The following MCM5 variants were observed in gnomAD, a reference collection of about 807,000 sequenced individuals.
MCM5 encodes the protein DNA replication licensing factor MCM5.
MCM5 carries 46 observed loss-of-function variants against 79.9 expected under a neutral mutation model. The observed-to-expected ratio is 0.58, with a 90% CI of 0.45 to 0.74. The LOEUF (loss-of-function observed/expected upper bound fraction) is 0.74. Ranked by LOEUF, MCM5 falls within the 30% of genes least tolerant of loss-of-function variation. MCM5 has a pLI of 0.00. For synonymous variants in MCM5, 404 were observed against 390.5 expected, an observed-to-expected ratio of 1.03 and a Z score of -0.41; for missense variants, 883 against 1,017.0, an observed-to-expected ratio of 0.87 and a Z score of 1.79.
chr22:35,418,935 C>T (rs932166077), intron 13 of MCM5, among the ~76,000 whole-genome samples: 4 of 152,184 alleles, frequency 2.6e-5, no homozygotes, highest in African/African-American at 4.8e-5. Context: ...TGCTTGCCTC[C>T]AGAGGCTGTG....
the MCM5 span, among the ~76,000 whole-genome samples, chr22:35,444,166 GGAGAGA>G: frequency 2.0e-5 from 3 of 147,908 alleles, no homozygotes; most frequent in Non-Finnish European, 3.0e-5. Flanking sequence ...CTGACAGGCA[GGAGAGA>G]GAGAGAGAGA....
intron 15 of MCM5, chr22:35,421,943 C>T: frequency 7.5e-6 from 2 of 265,062 alleles, no homozygotes; most frequent in Non-Finnish European, 1.5e-5. Context: ...AGTCTCCTGG[C>T]CCCTAGGCCA....
chr22:35,442,043 A>G, the MCM5 span, among the ~76,000 whole-genome samples: 1 of 151,668 alleles, frequency 6.6e-6, no homozygotes, highest in Non-Finnish European at 1.5e-5. Context: ...ATCTGGTCGA[A>G]TCTAAATCTG....
chr22:35,405,333 G>T (rs1932179837), intron 4 of MCM5, among the ~76,000 whole-genome samples: 1 of 151,310 alleles, frequency 6.6e-6, no homozygotes, highest in Non-Finnish European at 1.5e-5. Flanking sequence ...CATATAATTT[G>T]ATCTGGAACT....
At chr22:35,440,253 G>A in the MCM5 span, among the ~76,000 whole-genome samples, 1 of 152,252 alleles carries the variant, frequency 6.6e-6, no homozygotes, top group Non-Finnish European at 1.5e-5. Flanking sequence ...AGAGAAAGAA[G>A]CCTGCGTCAG....
At chr22:35,415,259 A>G (rs948124049) in intron 9 of MCM5, among the ~76,000 whole-genome samples, 5 of 152,234 alleles carry the variant, frequency 3.3e-5, no homozygotes, top group Non-Finnish European at 5.9e-5. Flanking sequence ...TTAACTCGCT[A>G]TATCTAAAAT....
At chr22:35,439,718 A>G in the MCM5 span, among the ~76,000 whole-genome samples, 1 of 152,214 alleles carries the variant, frequency 6.6e-6, no homozygotes, top group Non-Finnish European at 1.5e-5. Flanking sequence ...CTTATGTTCT[A>G]ATGCTTCCTC....
At chr22:35,412,308 C>T (rs1444666004) in intron 7 of MCM5, among the ~76,000 whole-genome samples, 1 of 152,238 alleles carries the variant, frequency 6.6e-6, no homozygotes, top group African/African-American at 2.4e-5. Flanking sequence ...TTCCCCTCAC[C>T]CTTTGGACCC....
chr22:35,403,131 C>A, intron 2 of MCM5, 76 bp from the exon 3 acceptor site: 1 of 1,564,748 alleles, frequency 6.4e-7, no homozygotes. Context: ...TTCAGGGGTG[C>A]AGGCACACCT....
the MCM5 span, among the ~76,000 whole-genome samples, chr22:35,436,894 G>GTCT: frequency 6.6e-6 from 1 of 151,958 alleles, no homozygotes. Flanking sequence ...TTGCCAGGGG[G>GTCT]AGAGTCAGTT....
intron 13 of MCM5, 45 bp downstream of exon 13, chr22:35,417,901 C>T (rs1378330906): frequency 1.4e-6 from 2 of 1,409,152 alleles, no homozygotes; most frequent in African/African-American, 1.4e-5. Context: ...TGCCCAGCTT[C>T]CCTGGGTGGG....
Position 35,416,410 on chromosome 22 carries a change from T to C in MCM5, c.1413+6T>C. 6.2e-7 allele frequency: 1 copy of C among 1,611,950 alleles called. No individual in the cohort carries two copies. The highest frequency in any genetic ancestry group is 2.2e-5 in the East Asian group (1 of 44,878). On this transcript the variant is annotated splice_donor_region_variant and intron_variant, in intron 11 of 16. Transcript: ENST00000216122. Reference sequence around the variant, plus strand: ...AGACCATCTCTATCGCCAAGGTGAGTGGCCCTCCATGGAGAGCCCAGCCTG... The same window carrying C: ...AGACCATCTCTATCGCCAAGGTGAGCGGCCCTCCATGGAGAGCCCAGCCTG...
Position 35,420,008 on chromosome 22 carries a change from G to A in MCM5, c.1828G>A (p.Val610Met), listed in dbSNP as rs757174741. The A allele has an allele frequency of 9.9e-5, 160 of 1,609,014 alleles. No individual in the cohort carries two copies. Among genetic ancestry groups the A allele is most frequent in the Non-Finnish European group, 1.2e-4 (146 of 1,176,826 alleles). The change falls in exon 14 of 17, where the codon GTG becomes ATG. Residue 610 changes from valine (V) to methionine (M), a missense_variant. This residue lies in a region of MCM5 where 426 missense variants were observed against 482.3 expected (regional missense o/e 0.88). Coordinates refer to ENST00000216122, the MANE Select transcript of MCM5 (RefSeq NM_006739.4). The part of the protein sequence containing the change: ...SDRRSSIPIT[V>M]RQLEAIVRIA... ...CCGCCGCTCCAGCATCCCCATCACT[G>A]TGCGGTGAGCAGGCGGGCAGGGCTG...
At chr22:35,431,954 G>A in the MCM5 span, among the ~76,000 whole-genome samples, 1 of 152,310 alleles carries the variant, frequency 6.6e-6, no homozygotes, top group East Asian at 1.9e-4. Flanking sequence ...TGTCGGGTCA[G>A]TGCCTTTCCC....
the MCM5 span, among the ~76,000 whole-genome samples, chr22:35,447,023 G>A: frequency 6.6e-6 from 1 of 152,298 alleles, no homozygotes; most frequent in East Asian, 1.9e-4. Flanking sequence ...AGCGGTCCGC[G>A]CTTCTCTAGG....
At chr22:35,419,159 C>T (rs1036839901) in intron 13 of MCM5, among the ~76,000 whole-genome samples, 1 of 152,180 alleles carries the variant, frequency 6.6e-6, no homozygotes, top group Non-Finnish European at 1.5e-5. Context: ...CTTGGGCCCA[C>T]AGCTGTGAGT....
intron 9 of MCM5, among the ~76,000 whole-genome samples, chr22:35,415,151 G>C (rs1932505879): frequency 6.6e-6 from 1 of 152,132 alleles, no homozygotes; most frequent in African/African-American, 2.4e-5. Context: ...TTGAGCCCAG[G>C]AGTTTGAGAC....
intron 10 of MCM5, 112 bp downstream of exon 10, chr22:35,416,084 C>A: frequency 2.2e-6 from 3 of 1,359,788 alleles, no homozygotes; most frequent in Non-Finnish European, 3.1e-6. Flanking sequence ...GTTTTCAATC[C>A]CTGGGCCGGT....
chr22:35,405,784 T>G (rs1370633084), intron 4 of MCM5, among the ~76,000 whole-genome samples: 1 of 151,734 alleles, frequency 6.6e-6, no homozygotes, highest in Non-Finnish European at 1.5e-5. Flanking sequence ...CCGAGGCCAG[T>G]GAATTGCCTG....
Sources: allele counts gnomAD v4.1 joint callset (sites outside exome capture counted in the v4.1 genomes callset), GRCh38; gene constraint gnomAD v4.1.1; regional missense constraint gnomAD v4.1.1; transcripts MANE v1.5; gene names NCBI Gene and HGNC (gene_info 2026-07-23, HGNC 2026-07-21).